Variants in CACNA1E observed in about 807,000 individuals in gnomAD.
The protein encoded by CACNA1E is calcium voltage-gated channel subunit alpha1 E.
In CACNA1E, 40 loss-of-function variants were observed where a neutral mutation model predicts 259.2. The observed-to-expected ratio is 0.15, with a 90% confidence interval of 0.12 to 0.20. The LOEUF is 0.20. CACNA1E is among the 10% of genes least tolerant of loss of function. The pLI, the probability that CACNA1E is intolerant of heterozygous loss-of-function variation, is 1.00. For synonymous variants in CACNA1E, 1,104 were observed against 1,138.5 expected (o/e 0.97, Z 0.61); for missense variants, 1,874 against 3,040.1 (o/e 0.62, Z 9.02).
intron 7 of CACNA1E, among the ~76,000 whole-genome samples, chr1:181,698,049 G>GTCCTATGT (rs1651883719): frequency 6.6e-6 from 1 of 152,166 alleles, no homozygotes; most frequent in Admixed American, 6.5e-5. Flanking sequence ...CACATAAAAG[G>GTCCTATGT]TCCTATGTAA....
chr1:181,714,346 G>T (rs928805544), intron 8 of CACNA1E, among the ~76,000 whole-genome samples: 2 of 152,164 alleles, frequency 1.3e-5, no homozygotes, highest in African/African-American at 4.8e-5. Flanking sequence ...GTGGTGGGGA[G>T]CACAGAGCTT....
intron 6 of CACNA1E, among the ~76,000 whole-genome samples, chr1:181,630,388 C>A (rs921798036): frequency 6.7e-6 from 1 of 149,476 alleles, no homozygotes; most frequent in Non-Finnish European, 1.5e-5. Flanking sequence ...TAACATGCCC[C>A]CCCACCCCGC....
At chr1:181,600,063 G>A (rs914296012) in intron 6 of CACNA1E, among the ~76,000 whole-genome samples, 29 of 152,232 alleles carry the variant, frequency 1.9e-4, no homozygotes, top group Non-Finnish European at 2.8e-4. Context: ...CAGGGAGGCA[G>A]TATGCTTCAG....
In CACNA1E at chr1:181,584,161, C is replaced by T. The variant is rs532571833; in HGVS notation, c.951+3385C>T. Among the ~76,000 whole-genome samples the T allele has an allele frequency of 2.0e-5, 3 of 152,248 alleles. No individual in the cohort carries two copies. The East Asian group carries it at 5.8e-4, about 29-fold the overall frequency. The stretch of plus-strand genomic sequence containing the variant: ...TCTTTTATTGTATCAGGACTAATTC[C>T]CAGATTGCAGAGGTTCCCAGTCCCT... On this transcript the variant is annotated intron_variant, in intron 6 of 47. Coordinates refer to ENST00000367573, the MANE Select transcript of CACNA1E (RefSeq NM_001205293.3).
At position 181,799,083 on chromosome 1, in the gene CACNA1E, G is replaced by A. The variant is rs1442063183; in HGVS notation, c.*249G>A. ...TTTGCTGGGGAAAGAAACCAGGAAC[G>A]TGGAGGGTTATTACTGCGGGAGAAG... On this transcript the variant is annotated 3_prime_UTR_variant, in exon 48 of 48. Transcript: ENST00000367573. The A allele has an allele frequency of 2.0e-5, 8 of 391,620 alleles. No homozygotes were observed. Among genetic ancestry groups the A allele is most frequent in the Non-Finnish European group, 3.6e-5 (8 of 220,170 alleles). The allele number at this position is 391,620 out of a possible 1,614,324, so 24.3% of individuals were successfully genotyped here. A position where few individuals can be genotyped will look rare whatever the true frequency, so the allele number is the denominator to read the frequency against.
intron 2 of CACNA1E, among the ~76,000 whole-genome samples, chr1:181,463,174 A>G (rs1173633972): frequency 6.6e-6 from 1 of 152,188 alleles, no homozygotes; most frequent in Non-Finnish European, 1.5e-5. Context: ...CATACCTATG[A>G]TAAAGTTTAA....
intron 1 of CACNA1E, among the ~76,000 whole-genome samples, chr1:181,385,094 GTC>G (rs1346371330): frequency 3.9e-5 from 6 of 152,232 alleles, no homozygotes; most frequent in African/African-American, 1.4e-4. Context: ...ACAAAGGGCG[GTC>G]TCTGGGGACA....
chr1:181,531,921 T>C (rs1388723262), intron 3 of CACNA1E, among the ~76,000 whole-genome samples: 1 of 152,208 alleles, frequency 6.6e-6, no homozygotes, highest in African/African-American at 2.4e-5. Flanking sequence ...CCCGGTGTGA[T>C]GGCACGTACC....
At chr1:181,444,792 G>A (rs1660703247) in intron 2 of CACNA1E, among the ~76,000 whole-genome samples, 1 of 152,134 alleles carries the variant, frequency 6.6e-6, no homozygotes, top group Admixed American at 6.5e-5. Context: ...GCAAGCTCAG[G>A]AGCTCAGAAT....
intron 2 of CACNA1E, among the ~76,000 whole-genome samples, chr1:181,458,134 G>A (rs1392689318): frequency 1.3e-5 from 2 of 152,200 alleles, no homozygotes; most frequent in African/African-American, 2.4e-5. Context: ...CTTTTATGCT[G>A]TGTGTCATGA....
chr1:181,461,387 A>G (rs932730221), intron 2 of CACNA1E, among the ~76,000 whole-genome samples: 1 of 151,642 alleles, frequency 6.6e-6, no homozygotes, highest in Non-Finnish European at 1.5e-5. Context: ...TAAAAATACA[A>G]AAAATTAGCC....
intron 1 of CACNA1E, among the ~76,000 whole-genome samples, chr1:181,396,562 C>T (rs1264067017): frequency 1.3e-5 from 2 of 152,152 alleles, no homozygotes; most frequent in Non-Finnish European, 2.9e-5. Flanking sequence ...ACAAAGAAAT[C>T]AGGAAATAGC....
chr1:181,486,179 AGAGTCAAACGGGAGACTCTCGAGG>A (rs1663798405), intron 1 of CACNA1E, among the ~76,000 whole-genome samples: 1 of 152,226 alleles, frequency 6.6e-6, no homozygotes, highest in Non-Finnish European at 1.5e-5. Flanking sequence ...TGGACCAAAG[AGAGTCAAACGGGAGACTCTCGAGG>A]GAGTTGATTT....
At chr1:181,461,337 C>G (rs913193859) in intron 2 of CACNA1E, among the ~76,000 whole-genome samples, 3 of 151,206 alleles carry the variant, frequency 2.0e-5, no homozygotes, top group Non-Finnish European at 4.4e-5. Flanking sequence ...GTCAGGAGAT[C>G]GAGACCATCC....
intron 6 of CACNA1E, among the ~76,000 whole-genome samples, chr1:181,615,170 G>T (rs984874042): frequency 6.6e-6 from 1 of 152,044 alleles, no homozygotes; most frequent in African/African-American, 2.4e-5. Context: ...ACTATTTTGT[G>T]TAGAGGTCTG....
At chr1:181,505,350 TG>T (rs1328899625) in intron 1 of CACNA1E, among the ~76,000 whole-genome samples, 1 of 152,082 alleles carries the variant, frequency 6.6e-6, no homozygotes, top group Non-Finnish European at 1.5e-5. Context: ...AATTTTTTCT[TG>T]TTCTCTCCCT....
At chr1:181,737,369 G>C (rs1307429280) in intron 22 of CACNA1E, among the ~76,000 whole-genome samples, 156 bp from the exon 23 acceptor site, 1 of 152,222 alleles carries the variant, frequency 6.6e-6, no homozygotes, top group Non-Finnish European at 1.5e-5. Context: ...TTTAAATCAA[G>C]GGTGGTGGCT....
At chr1:181,392,765 C>T (rs1038707011) in intron 1 of CACNA1E, among the ~76,000 whole-genome samples, 1 of 152,090 alleles carries the variant, frequency 6.6e-6, no homozygotes, top group Non-Finnish European at 1.5e-5. Flanking sequence ...GACTGTGACT[C>T]ATGAAGAGAA....
Position 181,732,766 on chromosome 1 carries a change from C to T in CACNA1E, c.2680C>T (p.Pro894Ser), listed in dbSNP as rs751910426. Residue 894 changes from proline to serine, a missense_variant, in exon 20 of 48, where the codon CCG becomes TCG. By Grantham distance (74) the Pro-to-Ser change is moderately conservative (BLOSUM62 -1). This residue lies in a region of CACNA1E where 476 missense variants were observed against 514.0 expected (regional missense o/e 0.93). Transcript: ENST00000367573. The surrounding 1 kb of genome is among the most constrained non-coding windows in gnomAD (Gnocchi z 5.5). ...CAGGCCCTGTCATGGAAACTGTGAC[C>T]CGACTCAGCAGGAGGCAGGGGGAGG... The part of the protein sequence containing the change: ...LARPCHGNCD[P>S]TQQEAGGGEA... 1.3e-6 allele frequency: 2 copies of T among 1,576,022 alleles called. No homozygotes were observed. The highest frequency in any genetic ancestry group is 3.6e-5 in the Admixed American group (2 of 56,196).
Sources: allele counts gnomAD v4.1 joint callset (sites outside exome capture counted in the v4.1 genomes callset), GRCh38; gene constraint gnomAD v4.1.1; regional missense constraint gnomAD v4.1.1; non-coding constraint Gnocchi (gnomAD v3.1); transcripts MANE v1.5; gene names NCBI Gene and HGNC (gene_info 2026-07-23, HGNC 2026-07-21).